Variants in QRFPR observed in about 807,000 individuals in gnomAD.
The protein encoded by QRFPR is pyroglutamylated RFamide peptide receptor.
QRFPR carries 37 observed loss-of-function variants against 31.3 expected under a neutral mutation model. The ratio of observed to expected loss-of-function variants is 1.18; its 90% CI spans 0.91 to 1.56. QRFPR has a LOEUF of 1.56. Among genes scored for constraint, QRFPR ranks in the 40% most tolerant of loss-of-function variants. The pLI, the probability that QRFPR is intolerant of heterozygous loss-of-function variation, is 0.00. For synonymous variants in QRFPR, 197 were observed against 192.0 expected, an observed-to-expected ratio of 1.03 and a Z score of -0.22; for missense variants, 542 against 532.5, an observed-to-expected ratio of 1.02 and a Z score of -0.18.
chr4:121,347,713 T>G (rs1266140771), intron 1 of QRFPR, among the ~76,000 whole-genome samples: 6 of 152,136 alleles, frequency 3.9e-5, no homozygotes, highest in African/African-American at 1.4e-4. Context: ...CCAAATGTCT[T>G]TTATCTATAA....
chr4:121,375,372 T>C (rs1726330801), intron 1 of QRFPR, among the ~76,000 whole-genome samples: 1 of 152,184 alleles, frequency 6.6e-6, no homozygotes, highest in Non-Finnish European at 1.5e-5. Context: ...CTTCTTTGAA[T>C]GCTTCCTCCC....
At chr4:121,366,609 G>A (rs1726138768) in intron 1 of QRFPR, among the ~76,000 whole-genome samples, 1 of 149,774 alleles carries the variant, frequency 6.7e-6, no homozygotes, top group African/African-American at 2.5e-5. Flanking sequence ...CCCCTATGAG[G>A]TCACCAGATA....
rs1181025539 is a variant in QRFPR, at chr4:121,340,536, T to C, written c.415A>G (p.Ile139Val). Residue 139 changes from isoleucine to valine, a missense_variant, in exon 2 of 6, where the codon ATT becomes GTT. Ile to Val is a conservative substitution (Grantham distance 29). Coordinates refer to ENST00000394427, the MANE Select transcript of QRFPR (RefSeq NM_198179.3). ...AGTCCCTGGTGCCTTTCCACAGCAA[T>C]GCAGGTCATAGTGAGGATTTCTGTC... ...VVTEILTMTC[I>V]AVERHQGLVH... 3 of 1,613,980 alleles carry C rather than the reference T, an allele frequency of 1.9e-6. No homozygotes were observed. The highest frequency in any genetic ancestry group is 3.3e-5 in the Admixed American group (2 of 59,980).
intron 1 of QRFPR, among the ~76,000 whole-genome samples, chr4:121,342,694 A>C (rs945428689): frequency 1.2e-4 from 18 of 144,440 alleles, no homozygotes; most frequent in Admixed American, 9.6e-4. Flanking sequence ...ATGCCAGAGC[A>C]ATAATTTTTG....
intron 1 of QRFPR, among the ~76,000 whole-genome samples, chr4:121,354,948 T>C (rs571950854): frequency 6.6e-6 from 1 of 152,250 alleles, no homozygotes; most frequent in African/African-American, 2.4e-5. Flanking sequence ...ATCTTTTTAA[T>C]GTGTTGTTGA....
chr4:121,340,775 T>C (rs55928909), intron 1 of QRFPR, among the ~76,000 whole-genome samples, 165 bp from the exon 2 acceptor site: 50,587 of 152,130 alleles, frequency 0.33, 8,920 homozygotes, highest in Middle Eastern at 0.47. Context: ...ATTGCATTGG[T>C]TTATCTTTCT....
chr4:121,337,166 C>T (rs1725451671), intron 2 of QRFPR, among the ~76,000 whole-genome samples: 1 of 152,194 alleles, frequency 6.6e-6, no homozygotes, highest in African/African-American at 2.4e-5. Context: ...CCTCTCTCTC[C>T]TCTTTCATTT....
At chr4:121,372,831 G>A (rs1028362159) in intron 1 of QRFPR, among the ~76,000 whole-genome samples, 23 of 152,056 alleles carry the variant, frequency 1.5e-4, no homozygotes, top group African/African-American at 4.6e-4. Flanking sequence ...TTTGTCCATC[G>A]ATGGACACTT....
intron 3 of QRFPR, 50 bp from the exon 4 acceptor site, chr4:121,333,106 A>T (rs751054833): frequency 2.4e-6 from 3 of 1,272,920 alleles, no homozygotes; most frequent in East Asian, 4.7e-5. Flanking sequence ...AGCATCAAAA[A>T]ACAGAAATCA....
intron 1 of QRFPR, chr4:121,370,019 T>C: frequency 1.3e-6 from 1 of 770,970 alleles, no homozygotes; most frequent in Non-Finnish European, 2.4e-6. Flanking sequence ...TGTTTTGTGA[T>C]CACATAATTC....
Position 121,331,727 on chromosome 4 carries a change from A to T in QRFPR, c.797+1094T>A, listed in dbSNP as rs1725330367. Among the ~76,000 whole-genome samples the T allele has an allele frequency of 4.0e-5, 6 of 151,456 alleles. No homozygotes were observed. In the South Asian group the frequency reaches 1.3e-3, roughly 32 times the overall value. On this transcript the variant is annotated intron_variant, in intron 4 of 5. Transcript: ENST00000394427. Reference sequence around the variant, plus strand: ...GAGTGCAGTGGCGTGATCTCGGCTCACTGCAACCTCAGTCCATCAGGTTCA... The same window carrying T: ...GAGTGCAGTGGCGTGATCTCGGCTCTCTGCAACCTCAGTCCATCAGGTTCA...
At chr4:121,374,432 G>A (rs1449332226) in intron 1 of QRFPR, among the ~76,000 whole-genome samples, 2 of 152,132 alleles carry the variant, frequency 1.3e-5, no homozygotes, top group Non-Finnish European at 2.9e-5. Flanking sequence ...GAGTCCTGGA[G>A]CTGTCAGCAT....
At chr4:121,354,859 A>C (rs1213249597) in intron 1 of QRFPR, among the ~76,000 whole-genome samples, 1 of 152,070 alleles carries the variant, frequency 6.6e-6, no homozygotes. Context: ...TGTTGATATG[A>C]TGTACCACAC....
intron 1 of QRFPR, among the ~76,000 whole-genome samples, chr4:121,374,858 CT>C (rs950805335): frequency 2.4e-4 from 36 of 152,116 alleles, no homozygotes; most frequent in Middle Eastern, 3.4e-3. Context: ...TTTCAAACTC[CT>C]TTTTTTTGGA....
chr4:121,372,110 T>A (rs141828431), intron 1 of QRFPR, among the ~76,000 whole-genome samples: 1 of 152,018 alleles, frequency 6.6e-6, no homozygotes, highest in Non-Finnish European at 1.5e-5. Flanking sequence ...AGGAGGGAAG[T>A]CTTACACTCA....
chr4:121,377,521 C>A (rs974535857), intron 1 of QRFPR, among the ~76,000 whole-genome samples: 4 of 151,770 alleles, frequency 2.6e-5, no homozygotes, highest in African/African-American at 9.7e-5. Flanking sequence ...ATTCTTGGAA[C>A]ACACCATCTT....
At chr4:121,351,447 A>G (rs780514246) in intron 1 of QRFPR, among the ~76,000 whole-genome samples, 17 of 152,134 alleles carry the variant, frequency 1.1e-4, no homozygotes, top group Admixed American at 2.6e-4. Context: ...CATTATTTTA[A>G]TAGCTACAAA....
Position 121,330,422 on chromosome 4 carries a change from T to C in QRFPR, c.895+4A>G. 6.3e-7 allele frequency: 1 copy of C among 1,585,230 alleles called. No individual in the cohort carries two copies. The highest frequency in any genetic ancestry group is 1.1e-5 in the South Asian group (1 of 90,180). On this transcript the variant is annotated splice_donor_region_variant and intron_variant, in intron 5 of 5. Transcript: ENST00000394427. ...TCTATCAAATGAGAATGACAAGCACTCACTGTATTCAATCATCATATGGAC... is the reference window on the plus strand; with the variant it reads ...TCTATCAAATGAGAATGACAAGCACCCACTGTATTCAATCATCATATGGAC...
intron 1 of QRFPR, among the ~76,000 whole-genome samples, chr4:121,346,150 A>G (rs17437531): frequency 0.26 from 39,222 of 152,116 alleles, 5,728 homozygotes; most frequent in Non-Finnish European, 0.34. Flanking sequence ...TGCAACCACT[A>G]TTTGAAATAA....
Sources: gnomAD v4.1 joint callset for allele counts (sites outside exome capture counted in the v4.1 genomes callset) on GRCh38, gnomAD v4.1.1 for gene constraint, MANE v1.5 for transcripts, NCBI Gene and HGNC (gene_info 2026-07-23, HGNC 2026-07-21) for gene names.